Variants in RBFOX1 observed in about 807,000 individuals in gnomAD.
RBFOX1 encodes RNA binding protein fox-1 homolog 1.
Under a neutral mutation model 57.7 loss-of-function variants are expected in RBFOX1, and 8 were observed. The observed-to-expected ratio is 0.14, with a 90% confidence interval of 0.08 to 0.25. The LOEUF (loss-of-function observed/expected upper bound fraction) is 0.25, where lower values mean the gene tolerates loss of function less well. Among genes scored for constraint, RBFOX1 ranks in the 10% least tolerant of loss-of-function variants. The pLI, the probability that RBFOX1 is intolerant of heterozygous loss-of-function variation, is 1.00. For synonymous variants in RBFOX1, 326 were observed against 222.4 expected, an observed-to-expected ratio of 1.47 and a Z score of -4.15; for missense variants, 611 against 548.5, an observed-to-expected ratio of 1.11 and a Z score of -1.14.
chr16:7,189,217 C>T (rs912508240), intron 4 of RBFOX1, among the ~76,000 whole-genome samples: 13 of 151,576 alleles, frequency 8.6e-5, no homozygotes, highest in African/African-American at 2.4e-4. Flanking sequence ...TGAGGTCAGG[C>T]GATCGAGACC....
chr16:7,162,919 T>A (rs1027625505), intron 4 of RBFOX1, among the ~76,000 whole-genome samples: 7 of 152,186 alleles, frequency 4.6e-5, no homozygotes, highest in African/African-American at 1.7e-4. Flanking sequence ...TGAAGACATG[T>A]GGGTTTTCTT....
At chr16:6,351,387 T>TTTA (rs2086362158) in intron 2 of RBFOX1, among the ~76,000 whole-genome samples, 1 of 142,100 alleles carries the variant, frequency 7.0e-6, no homozygotes. Context: ...TTTTTTTTTT[T>TTTA]CTTGAGGCAG....
At chr16:7,346,842 G>A (rs1287614849) in intron 4 of RBFOX1, among the ~76,000 whole-genome samples, 3 of 152,144 alleles carry the variant, frequency 2.0e-5, no homozygotes, top group Admixed American at 1.3e-4. Context: ...ATTCTTGAAT[G>A]TGTGTTTTTG....
intron 4 of RBFOX1, among the ~76,000 whole-genome samples, chr16:5,932,859 G>A (rs562014296): frequency 2.0e-5 from 3 of 152,070 alleles, no homozygotes; most frequent in Admixed American, 2.0e-4. Flanking sequence ...GCCACTCCCT[G>A]CTCCCATATG....
At chr16:6,947,255 T>C (rs2079729713) in intron 3 of RBFOX1, among the ~76,000 whole-genome samples, 1 of 152,198 alleles carries the variant, frequency 6.6e-6, no homozygotes, top group Non-Finnish European at 1.5e-5. Context: ...AAGCTCTTCT[T>C]ATTTTCCTGT....
intron 1 of RBFOX1, among the ~76,000 whole-genome samples, chr16:6,256,149 A>ATATATGTG (rs1258929792): frequency 0.015 from 951 of 65,436 alleles, 20 homozygotes; most frequent in Non-Finnish European, 0.023. Context: ...GTGTGTATAT[A>ATATATGTG]TATATATATG....
At chr16:6,542,572 C>T (rs1165617235) in intron 2 of RBFOX1, among the ~76,000 whole-genome samples, 1 of 144,918 alleles carries the variant, frequency 6.9e-6, no homozygotes, top group Non-Finnish European at 1.5e-5. Flanking sequence ...TCACTGCAAG[C>T]TCCGCCTCCT....
intron 3 of RBFOX1, among the ~76,000 whole-genome samples, chr16:6,848,721 T>A (rs1374702882): frequency 6.6e-6 from 1 of 151,978 alleles, no homozygotes; most frequent in Non-Finnish European, 1.5e-5. Context: ...AGATGGATAA[T>A]CTTTAACGTT....
At chr16:7,493,870 C>G (rs961788481) in intron 4 of RBFOX1, among the ~76,000 whole-genome samples, 1 of 152,182 alleles carries the variant, frequency 6.6e-6, no homozygotes, top group East Asian at 1.9e-4. Flanking sequence ...TCATCATTAT[C>G]ATTGTCATCA....
intron 4 of RBFOX1, among the ~76,000 whole-genome samples, chr16:7,274,274 A>T (rs983837976): frequency 6.6e-6 from 1 of 152,234 alleles, no homozygotes; most frequent in African/African-American, 2.4e-5. Flanking sequence ...ATTGTCATTT[A>T]ATCGTCACAA....
At chr16:6,654,077 G>A (rs1197783351) in intron 2 of RBFOX1, among the ~76,000 whole-genome samples, 2 of 149,552 alleles carry the variant, frequency 1.3e-5, no homozygotes, top group African/African-American at 2.5e-5. Context: ...AGGATGAATG[G>A]ATGATTAGAT....
intron 7 of RBFOX1, among the ~76,000 whole-genome samples, chr16:7,591,454 A>G (rs188005710): frequency 7.9e-5 from 12 of 152,330 alleles, no homozygotes; most frequent in Admixed American, 7.2e-4. Flanking sequence ...ATCACCTAAA[A>G]ATACAAAAGA....
At chr16:6,425,792 C>T (rs904496431) in intron 2 of RBFOX1, among the ~76,000 whole-genome samples, 1 of 152,066 alleles carries the variant, frequency 6.6e-6, no homozygotes, top group Non-Finnish European at 1.5e-5. Context: ...TTCTTTTATT[C>T]AGGGAGAAAG....
At chr16:5,866,666 C>G (rs1225154892) in intron 3 of RBFOX1, among the ~76,000 whole-genome samples, 2 of 152,136 alleles carry the variant, frequency 1.3e-5, no homozygotes, top group Non-Finnish European at 2.9e-5. Context: ...GGGTTTAAAT[C>G]TAATTTCTTA....
At position 6,525,318 on chromosome 16, in the gene RBFOX1, T is replaced by C. The variant is rs569335140; in HGVS notation, c.-63-129285T>C. Among the ~76,000 whole-genome samples the C allele has an allele frequency of 5.3e-5, 8 of 152,312 alleles. No homozygotes were observed. The South Asian group carries it at 1.5e-3, about 28-fold the overall frequency. On this transcript the variant is annotated intron_variant, in intron 2 of 15. Coordinates refer to ENST00000550418, the MANE Select transcript of RBFOX1 (RefSeq NM_018723.4). The stretch of plus-strand genomic sequence containing the variant: ...ACTGGGGAGTATGTGATGTTAGAGT[T>C]TGGAGAAGTGCTTGATGAATTTGGG...
chr16:6,509,084 T>A (rs1392834631), intron 2 of RBFOX1, among the ~76,000 whole-genome samples: 1 of 152,212 alleles, frequency 6.6e-6, no homozygotes, highest in Non-Finnish European at 1.5e-5. Flanking sequence ...GAGAAAAGAC[T>A]GATTTTATTT....
intron 2 of RBFOX1, among the ~76,000 whole-genome samples, chr16:6,583,920 A>G (rs1010455920): frequency 2.6e-5 from 4 of 152,184 alleles, no homozygotes; most frequent in Non-Finnish European, 5.9e-5. Flanking sequence ...TTGTAAAGAA[A>G]GACGATTGTA....
At chr16:6,227,179 C>T (rs2152894367) in intron 1 of RBFOX1, among the ~76,000 whole-genome samples, 1 of 152,032 alleles carries the variant, frequency 6.6e-6, no homozygotes, top group Middle Eastern at 3.4e-3. Context: ...TTGTTGCAGA[C>T]ACTATTAGCT....
At chr16:5,454,986 T>C (rs1042590764) in intron 1 of RBFOX1, among the ~76,000 whole-genome samples, 8 of 102,086 alleles carry the variant, frequency 7.8e-5, no homozygotes, top group Non-Finnish European at 1.2e-4. Flanking sequence ...TTTCTTTCTT[T>C]CTTTCTTTCT....
Sources: allele counts gnomAD v4.1 joint callset (sites outside exome capture counted in the v4.1 genomes callset), GRCh38; gene constraint gnomAD v4.1.1; transcripts MANE v1.5; gene names NCBI Gene and HGNC (gene_info 2026-07-23, HGNC 2026-07-21).